Variants in CSTF2 observed in about 807,000 individuals in gnomAD.
CSTF2 encodes the protein CF-1 64 kDa subunit.
In CSTF2, 8 loss-of-function variants were observed where a neutral mutation model predicts 45.4. The ratio of observed to expected loss-of-function variants is 0.18; its 90% CI spans 0.10 to 0.32. The LOEUF (loss-of-function observed/expected upper bound fraction) is 0.32. CSTF2 is among the 10% of genes least tolerant of loss of function. The pLI, the probability that CSTF2 is intolerant of heterozygous loss-of-function variation, is 1.00. For missense variants in CSTF2, 253 were observed against 477.1 expected (o/e 0.53, Z 4.38); for synonymous variants, 155 against 158.9 (o/e 0.98, Z 0.18).
chrX:100,821,633 G>C (rs2084918227), intron 2 of CSTF2, 28 bp downstream of exon 2: 1 of 1,096,888 alleles, frequency 9.1e-7, no homozygotes, highest in African/African-American at 1.8e-5. Context: ...TTCATGGTGG[G>C]AGCTTCTTAA....
At chrX:100,828,404 C>T (rs751759272) in intron 8 of CSTF2, among the ~76,000 whole-genome samples, 15 of 111,770 alleles carry the variant, frequency 1.3e-4, no homozygotes, top group Non-Finnish European at 5.6e-5. Flanking sequence ...GAGTCCAGCT[C>T]TACAAGAATT....
chrX:100,822,465 G>A lies in CSTF2; in HGVS notation c.307+45G>A, dbSNP rs760062437. 6.6e-5 allele frequency: 76 copies of A among 1,144,348 alleles called. No individual in the cohort carries two copies. In the Admixed American group the frequency reaches 1.7e-3, roughly 26 times the overall value. The allele number at this position is 1,144,348 out of a possible 1,213,427, so 94.3% of individuals were successfully genotyped here. On this transcript the variant is annotated intron_variant, in intron 3 of 13. Coordinates refer to ENST00000372972, the MANE Select transcript of CSTF2 (RefSeq NM_001325.3). ...GGATGCAGTATGAGTTAGTAAAGATGTAACAATGAAGATTTTCCATTTCTG... is the reference window on the plus strand; with the variant it reads ...GGATGCAGTATGAGTTAGTAAAGATATAACAATGAAGATTTTCCATTTCTG...
chrX:100,824,089 C>A, intron 5 of CSTF2, 31 bp from the exon 6 acceptor site: 1 of 1,207,895 alleles, frequency 8.3e-7, no homozygotes, highest in South Asian at 1.8e-5. Flanking sequence ...GTTAAACAGA[C>A]AGCTCATAGG....
Position 100,822,269 on chromosome X carries a change from G to A in CSTF2, c.156G>A (p.Glu52=). Residue 52 remains glutamate, a synonymous_variant, in exon 3 of 14, where the codon GAG becomes GAA. Transcript: ENST00000372972. Reference sequence around the variant, plus strand: ...TCTCCAGATTGGTATACGATAGAGAGACAGGAAAGCCAAAGGGTTATGGCT... The same window carrying A: ...TCTCCAGATTGGTATACGATAGAGAAACAGGAAAGCCAAAGGGTTATGGCT... The part of the protein sequence containing the change: ...VVSFRLVYDR[E]TGKPKGYGFC... 1 of 1,210,525 alleles carries A rather than the reference G, an allele frequency of 8.3e-7. No individual in the cohort carries two copies. The highest frequency in any genetic ancestry group is 1.8e-5 in the South Asian group (1 of 56,814).
Position 100,832,725 on chromosome X carries a change from C to T in CSTF2, c.1032-9C>T. The T allele has an allele frequency of 8.4e-7, 1 of 1,184,134 alleles. No individual in the cohort carries two copies. On this transcript the variant is annotated splice_polypyrimidine_tract_variant and intron_variant, in intron 9 of 13. Transcript: ENST00000372972. Reference sequence around the variant, plus strand: ...TATTTTAAAATACAACGTTTTTCTCCATCTCCAGAGGTTACTTGGGACCAC... The same window carrying T: ...TATTTTAAAATACAACGTTTTTCTCTATCTCCAGAGGTTACTTGGGACCAC...
At chrX:100,832,638 C>A in intron 9 of CSTF2, 96 bp from the exon 10 acceptor site, 1 of 734,108 alleles carries the variant, frequency 1.4e-6, no homozygotes, top group Non-Finnish European at 1.9e-6. Context: ...TCATAGACTA[C>A]ATCAGCTCTT....
At chrX:100,823,467 A>G in intron 4 of CSTF2, 39 bp downstream of exon 4, 2 of 1,200,048 alleles carry the variant, frequency 1.7e-6, no homozygotes, top group South Asian at 1.8e-5. Context: ...AGCAAATCAC[A>G]TCAGGTTTTC....
chrX:100,830,898 C>T, intron 8 of CSTF2: 2 of 1,105,478 alleles, frequency 1.8e-6, no homozygotes, highest in Non-Finnish European at 2.4e-6. Context: ...TTTCCTTTTG[C>T]TTGTGGTGTT....
rs764362099 is a variant in CSTF2, at chrX:100,820,679, G to A, written c.58+205G>A. The A allele has an allele frequency of 1.3e-4, 65 of 517,634 alleles. No homozygotes were observed. The African/African-American group carries it at 1.4e-3, about 11-fold the overall frequency. 42.7% of individuals were successfully genotyped at this position (517,634 alleles called of 1,213,427 possible). On this transcript the variant is annotated intron_variant, in intron 1 of 13. Transcript: ENST00000372972. Reference sequence around the variant, plus strand: ...GTAGGCTTTCCGCAATATCAGTGGGGAAGTTAGACTAGCGTTCAGCTTCTG... The same window carrying A: ...GTAGGCTTTCCGCAATATCAGTGGGAAAGTTAGACTAGCGTTCAGCTTCTG...
chrX:100,827,161 T>A (rs7881447), intron 7 of CSTF2, among the ~76,000 whole-genome samples: 4,151 of 112,017 alleles, frequency 0.037, 211 homozygotes, highest in African/African-American at 0.13. Flanking sequence ...ACTGTCAGAT[T>A]AGGTTCAAAA....
intron 11 of CSTF2, among the ~76,000 whole-genome samples, chrX:100,834,250 C>CT (rs746365236): frequency 9.0e-6 from 1 of 111,254 alleles, no homozygotes; most frequent in African/African-American, 3.3e-5. Context: ...CTTCTCTCTT[C>CT]TTTTTTTATG....
intron 8 of CSTF2, chrX:100,830,955 G>A (rs1448623904): frequency 5.0e-5 from 39 of 785,477 alleles, no homozygotes; most frequent in Non-Finnish European, 6.8e-5. Context: ...AGTCATCCTC[G>A]CGTTCAGAAC....
chrX:100,838,209 C>G, intron 12 of CSTF2, 30 bp from the exon 13 acceptor site: 1 of 1,117,864 alleles, frequency 8.9e-7, no homozygotes, highest in Non-Finnish European at 1.2e-6. Flanking sequence ...ATCATTAAAA[C>G]TCACTACCTT....
At position 100,840,740 on chromosome X, in the gene CSTF2, C is replaced by A. The variant is rs779818627; in HGVS notation, c.*30C>A. Reference sequence around the variant, plus strand: ...TTTTCAAAAATACCTGGCAAGAAATCTGGAAATTCTATAATTTTGTTGAAA... The same window carrying A: ...TTTTCAAAAATACCTGGCAAGAAATATGGAAATTCTATAATTTTGTTGAAA... On this transcript the variant is annotated 3_prime_UTR_variant, in exon 14 of 14. Transcript: ENST00000372972. The A allele has an allele frequency of 1.8e-5, 2 of 111,789 alleles. No individual in the cohort carries two copies. The highest frequency in any genetic ancestry group is 7.5e-4 in the South Asian group (2 of 2,682). 9.2% of individuals were successfully genotyped at this position (111,789 alleles called of 1,213,427 possible). A position where few individuals can be genotyped will look rare whatever the true frequency, so the allele number is the denominator to read the frequency against.
chrX:100,837,320 T>C lies in CSTF2; in HGVS notation c.1501-19T>C, dbSNP rs773206188. On this transcript the variant is annotated intron_variant, in intron 11 of 13. Transcript: ENST00000372972. ...CATTAAAAATGCCAAAAATCTCTCT[T>C]TTCTCTTTGTACACATAGGTCCCAG... 2.1e-4 allele frequency: 239 copies of C among 1,150,564 alleles called. No homozygotes were observed. The highest frequency in any genetic ancestry group is 2.7e-4 in the Non-Finnish European group (229 of 852,952). 94.8% of individuals were successfully genotyped at this position (1,150,564 alleles called of 1,213,427 possible).
intron 12 of CSTF2, among the ~76,000 whole-genome samples, 155 bp from the exon 13 acceptor site, chrX:100,838,084 T>C (rs1295302290): frequency 9.0e-6 from 1 of 111,528 alleles, no homozygotes; most frequent in African/African-American, 3.3e-5. Flanking sequence ...CTGTTGGTTT[T>C]TTTCTGTGTG....
intron 8 of CSTF2, among the ~76,000 whole-genome samples, chrX:100,829,583 G>A (rs1488724523): frequency 9.0e-6 from 1 of 111,491 alleles, no homozygotes; most frequent in African/African-American, 3.3e-5. Flanking sequence ...TTTTACACTG[G>A]GGTTGGTTGC....
chrX:100,835,652 A>G (rs1424454089), intron 11 of CSTF2, among the ~76,000 whole-genome samples: 1 of 109,548 alleles, frequency 9.1e-6, no homozygotes, highest in African/African-American at 3.3e-5. Context: ...CAAAAGGCTT[A>G]TTATTACTAG....
At position 100,831,548 on chromosome X, in the gene CSTF2, G is replaced by A. The variant is rs2084975491; in HGVS notation, c.923G>A (p.Arg308Gln). The A allele has an allele frequency of 2.5e-6, 3 of 1,209,763 alleles. No homozygotes were observed. The highest frequency in any genetic ancestry group is 2.2e-5 in the Admixed American group (1 of 45,761). Reference protein sequence around the residue: ...PMQDPRAAMQRGSLPANVPTP... With the variant: ...PMQDPRAAMQQGSLPANVPTP... ...CAAGACCCCAGAGCAGCTATGCAGCGGGGATCCTTGCCTGCGAATGTCCCA... is the reference window on the plus strand; with the variant it reads ...CAAGACCCCAGAGCAGCTATGCAGCAGGGATCCTTGCCTGCGAATGTCCCA... Residue 308 changes from arginine (R) to glutamine (Q), a missense_variant, in exon 9 of 14, where the codon CGG becomes CAG. Arg to Gln is a conservative substitution (Grantham distance 43). Around this residue, in one of 3 missense-constraint regions of CSTF2, gnomAD observed 200 missense variants for 294.0 expected, o/e 0.68. Coordinates refer to ENST00000372972, the MANE Select transcript of CSTF2 (RefSeq NM_001325.3).
Sources: allele counts gnomAD v4.1 joint callset (sites outside exome capture counted in the v4.1 genomes callset), GRCh38; gene constraint gnomAD v4.1.1; regional missense constraint gnomAD v4.1.1; transcripts MANE v1.5; gene names NCBI Gene and HGNC (gene_info 2026-07-23, HGNC 2026-07-21).